Variants in PTK7 observed in about 807,000 individuals in gnomAD.
PTK7 encodes the protein inactive tyrosine-protein kinase 7.
Under a neutral mutation model 116.6 loss-of-function variants are expected in PTK7, and 39 were observed. The observed-to-expected ratio is 0.33, with a 90% CI of 0.26 to 0.44. The LOEUF (loss-of-function observed/expected upper bound fraction) is 0.44, where lower values mean the gene tolerates loss of function less well. PTK7 is among the 20% of genes least tolerant of loss of function. PTK7 has a pLI of 1.00. For missense variants in PTK7, 1,169 were observed against 1,425.6 expected, an observed-to-expected ratio of 0.82 and a Z score of 2.90; for synonymous variants, 546 against 563.6, an observed-to-expected ratio of 0.97 and a Z score of 0.44.
intron 1 of PTK7, among the ~76,000 whole-genome samples, chr6:43,104,037 A>G (rs1000736424): frequency 6.6e-6 from 1 of 152,208 alleles, no homozygotes; most frequent in African/African-American, 2.4e-5. Context: ...TGTCTTGTTC[A>G]CTGCTGTATT....
chr6:43,151,846 C>A (rs1366866089), intron 17 of PTK7, among the ~76,000 whole-genome samples: 2 of 139,192 alleles, frequency 1.4e-5, no homozygotes, highest in African/African-American at 5.4e-5. Context: ...CCCCCCGCCC[C>A]CCGCCTTTTT....
At chr6:43,123,340 C>T (rs1038871260) in intron 1 of PTK7, among the ~76,000 whole-genome samples, 1 of 152,120 alleles carries the variant, frequency 6.6e-6, no homozygotes, top group Admixed American at 6.5e-5. Flanking sequence ...CTATATAGGT[C>T]CTGGGGGTGT....
intron 1 of PTK7, among the ~76,000 whole-genome samples, chr6:43,118,453 T>G (rs1352520362): frequency 2.0e-5 from 3 of 151,442 alleles, no homozygotes; most frequent in Non-Finnish European, 4.4e-5. Context: ...GCAGAATTGC[T>G]TGAACTCAGG....
intron 17 of PTK7, among the ~76,000 whole-genome samples, chr6:43,153,954 G>A (rs1475958084): frequency 3.3e-5 from 5 of 151,902 alleles, no homozygotes; most frequent in Non-Finnish European, 7.4e-5. Context: ...TCACTTAATG[G>A]CAGTTCAAGA....
rs2150362231 is a variant in PTK7 at position 43,076,448 on chromosome 6, C to T, written c.-41C>T. ...CCCGCCGCGGAGCGCAGTCTGCGCG[C>T]CCGCCGTGCGCCCTCAGCTCCTTTT... On this transcript the variant is annotated 5_prime_UTR_variant, in exon 1 of 20. Coordinates refer to ENST00000230419, the MANE Select transcript of PTK7 (RefSeq NM_002821.5). This position sits in a 1 kb window ranked among gnomAD's most constrained non-coding sequence, Gnocchi z 5.7. The T allele has an allele frequency of 2.7e-6, 4 of 1,497,780 alleles. No homozygotes were observed. The highest frequency in any genetic ancestry group is 1.4e-5 in the African/African-American group (1 of 69,138). The allele number at this position is 1,497,780 out of a possible 1,614,324, so 92.8% of individuals were successfully genotyped here. A position where few individuals can be genotyped will look rare whatever the true frequency, so the allele number is the denominator to read the frequency against.
At chr6:43,082,920 T>C (rs189320319) in intron 1 of PTK7, among the ~76,000 whole-genome samples, 1 of 152,342 alleles carries the variant, frequency 6.6e-6, no homozygotes, top group East Asian at 1.9e-4. Flanking sequence ...TACATTTGGC[T>C]CATAAAGGGA....
At chr6:43,120,226 C>A (rs975493858) in intron 1 of PTK7, among the ~76,000 whole-genome samples, 2 of 152,162 alleles carry the variant, frequency 1.3e-5, no homozygotes, top group Non-Finnish European at 2.9e-5. Context: ...TGACTTCATT[C>A]CCCCACGCGT....
At chr6:43,084,707 C>T (rs1344397629) in intron 1 of PTK7, among the ~76,000 whole-genome samples, 3 of 152,050 alleles carry the variant, frequency 2.0e-5, no homozygotes, top group East Asian at 1.9e-4. Flanking sequence ...ATGAAAGACA[C>T]CATTTGGTAA....
At chr6:43,089,021 A>G (rs1766809433) in intron 1 of PTK7, among the ~76,000 whole-genome samples, 1 of 152,182 alleles carries the variant, frequency 6.6e-6, no homozygotes, top group South Asian at 2.1e-4. Flanking sequence ...TTGTGTAGGT[A>G]GATGTGCCCA....
chr6:43,076,369 C>G lies in PTK7; in HGVS notation c.-120C>G. The G allele has an allele frequency of 1.5e-6, 1 of 687,482 alleles. No homozygotes were observed. Among genetic ancestry groups the G allele is most frequent in the Non-Finnish European group, 2.0e-6 (1 of 501,044 alleles). The allele number at this position is 687,482 out of a possible 1,614,324, so 42.6% of individuals were successfully genotyped here. A position where few individuals can be genotyped will look rare whatever the true frequency, so the allele number is the denominator to read the frequency against. On this transcript the variant is annotated 5_prime_UTR_variant, in exon 1 of 20. Transcript: ENST00000230419. The surrounding 1 kb of genome is among the most constrained non-coding windows in gnomAD (Gnocchi z 5.7). ...CCTCGGGACGCCTCGGGGTCGGGCT[C>G]CGGCTGCGGCTGCTGCTGCGGCGCC...
Position 43,132,180 on chromosome 6 carries a change from T to TG in PTK7, c.961+20dup. The TG allele has an allele frequency of 6.3e-7, 1 of 1,596,392 alleles. No individual in the cohort carries two copies. Among genetic ancestry groups the TG allele is most frequent in the Non-Finnish European group, 8.6e-7 (1 of 1,168,290 alleles). On this transcript the variant is annotated intron_variant, in intron 6 of 19. Coordinates refer to ENST00000230419, the MANE Select transcript of PTK7 (RefSeq NM_002821.5). ...CACCTAGCAGGTGAGTCTCTGGGTC[T>TG]GGGGTGCTGATGTGGGAGGCTGCCT...
At chr6:43,157,366 T>TATATA (rs1771552141) in intron 17 of PTK7, among the ~76,000 whole-genome samples, 1 of 55,600 alleles carries the variant, frequency 1.8e-5, no homozygotes, top group African/African-American at 6.9e-5. Context: ...ATATATATAT[T>TATATA]TTTTTTTTTC....
intron 15 of PTK7, chr6:43,144,976 C>T: frequency 2.3e-6 from 1 of 437,034 alleles, no homozygotes; most frequent in Non-Finnish European, 4.0e-6. Context: ...CAAAAATTCT[C>T]ATGCGAGTCA....
Position 43,143,072 on chromosome 6 carries a change from A to G in PTK7, c.2048-345A>G. ...GGAATTCTAAACCTGAAGCTCCCAA[A>G]TGCTGCTCTCCGGGGCCTGGCTCAC... is the stretch of plus-strand genomic sequence containing the variant. On this transcript the variant is annotated intron_variant, in intron 13 of 19. Coordinates refer to ENST00000230419, the MANE Select transcript of PTK7 (RefSeq NM_002821.5). The surrounding 1 kb of genome is among the most constrained non-coding windows in gnomAD (Gnocchi z 4.2). The G allele has an allele frequency of 4.3e-6, 1 of 232,794 alleles. No individual in the cohort carries two copies. Among genetic ancestry groups the G allele is most frequent in the South Asian group, 7.1e-5 (1 of 14,064 alleles). 14.4% of individuals were successfully genotyped at this position (232,794 alleles called of 1,614,324 possible). A position where few individuals can be genotyped will look rare whatever the true frequency, so the allele number is the denominator to read the frequency against.
intron 1 of PTK7, among the ~76,000 whole-genome samples, chr6:43,090,777 C>T (rs1406006394): frequency 6.6e-6 from 1 of 152,212 alleles, no homozygotes; most frequent in African/African-American, 2.4e-5. Context: ...CTTCTACTCC[C>T]AGGACCTGAA....
chr6:43,147,702 C>T (rs966679863), intron 17 of PTK7, among the ~76,000 whole-genome samples: 3 of 152,218 alleles, frequency 2.0e-5, no homozygotes, highest in Non-Finnish European at 4.4e-5. Flanking sequence ...GGAAGCAGCT[C>T]TGTGCCCTTC....
intron 1 of PTK7, among the ~76,000 whole-genome samples, chr6:43,083,515 A>G (rs1368455302): frequency 1.3e-5 from 2 of 152,178 alleles, no homozygotes; most frequent in Non-Finnish European, 2.9e-5. Flanking sequence ...CAGCGGTTTG[A>G]GGAAGCCCTC....
rs969570988 is a variant in PTK7, at chr6:43,141,410, G to A, written c.1619-258G>A. ...TGGGCAGCGGAGTAGGAACAGGGCC[G>A]ATCTGGGCCCAAACAGAGTCCGGTT... is the stretch of plus-strand genomic sequence containing the variant. On this transcript the variant is annotated intron_variant, in intron 10 of 19. Coordinates refer to ENST00000230419, the MANE Select transcript of PTK7 (RefSeq NM_002821.5). This position sits in a 1 kb window ranked among gnomAD's most constrained non-coding sequence, Gnocchi z 4.9. 6.6e-6 allele frequency among the ~76,000 whole-genome samples: 1 copy of A among 152,098 alleles called. No homozygotes were observed. The highest frequency in any genetic ancestry group is 2.4e-5 in the African/African-American group (1 of 41,416).
rs1228410674 is a variant in PTK7, at chr6:43,128,958, C to A, written c.80-19C>A. On this transcript the variant is annotated intron_variant, in intron 1 of 19. Transcript: ENST00000230419. Reference sequence around the variant, plus strand: ...TGCAGCTCCCCCTGACCCTGCCTCTCCCCTGTTTGCATCTACAGGTACCCA... The same window carrying A: ...TGCAGCTCCCCCTGACCCTGCCTCTACCCTGTTTGCATCTACAGGTACCCA... The A allele has an allele frequency of 1.9e-6, 3 of 1,587,482 alleles. No homozygotes were observed. In the African/African-American group the frequency reaches 4.0e-5, roughly 21 times the overall value.
Sources: gnomAD v4.1 joint callset for allele counts (sites outside exome capture counted in the v4.1 genomes callset) on GRCh38, gnomAD v4.1.1 for gene constraint, Gnocchi (gnomAD v3.1) non-coding constraint, MANE v1.5 for transcripts, NCBI Gene and HGNC (gene_info 2026-07-23, HGNC 2026-07-21) for gene names.